The following NOTCH4 variants were observed in gnomAD, a reference collection of about 807,000 sequenced individuals.
NOTCH4 encodes notch receptor 4, also known as neurogenic locus notch homolog protein 4.
NOTCH4 carries 138 observed loss-of-function variants against 189.0 expected under a neutral mutation model. The observed-to-expected ratio is 0.73, with a 90% CI of 0.64 to 0.84. NOTCH4 has a LOEUF of 0.84. NOTCH4 is among the 40% of genes least tolerant of loss of function. The pLI is 0.00. For missense variants in NOTCH4, 2,286 were observed against 2,605.4 expected (o/e 0.88, Z 2.67); for synonymous variants, 942 against 1,032.8 (o/e 0.91, Z 1.69).
At chr6:32,219,402 A>G (rs1789607896) in intron 8 of NOTCH4, among the ~76,000 whole-genome samples, 190 bp downstream of exon 8, 2 of 152,180 alleles carry the variant, frequency 1.3e-5, no homozygotes, top group Admixed American at 6.5e-5. Context: ...TAACCTCACT[A>G]CCATCTGTGG....
chr6:32,220,611 C>T lies in NOTCH4; in HGVS notation c.953G>A (p.Cys318Tyr), dbSNP rs1386176003. 6.2e-7 allele frequency: 1 copy of T among 1,613,882 alleles called. No homozygotes were observed. The highest frequency in any genetic ancestry group is 8.5e-7 in the Non-Finnish European group (1 of 1,179,928). Residue 318 changes from cysteine (C) to tyrosine (Y), a missense_variant, in exon 6 of 30, where the codon TGT becomes TAT. By Grantham distance (194) the Cys-to-Tyr change is radical (BLOSUM62 -2). This residue lies in a region of NOTCH4 where 1,903 missense variants were observed against 2,261.9 expected (regional missense o/e 0.84). Coordinates refer to ENST00000375023, the MANE Select transcript of NOTCH4 (RefSeq NM_004557.4). ...GWDCSEDVDE[C>Y]ETQGPPHCRN... ...GCAGTGAGGGGGACCCTGGGTCTCA[C>T]ACTCATCCACATCTTCGGAGCAGTC...
rs756436357 is a variant in NOTCH4 at position 32,213,836 on chromosome 6, G to A, written c.2172C>T (p.Pro724=). 3 of 1,611,592 alleles carry A rather than the reference G, an allele frequency of 1.9e-6. No individual in the cohort carries two copies. The highest frequency in any genetic ancestry group is 2.7e-5 in the African/African-American group (2 of 74,832). The stretch of plus-strand genomic sequence containing the variant: ...AAGCTGTCATCTCCTCACTACAGGT[G>A]GGTCCTGAAGGAAACAGGTGGGGGC... ...NCTCPTGYTG[P]TCSEEMTACH... is the part of the protein sequence containing the mutation. Residue 724 remains proline, a synonymous_variant, in exon 14 of 30, where the codon CCC becomes CCT. Transcript: ENST00000375023.
At position 32,202,841 on chromosome 6, in the gene NOTCH4, A is replaced by G. The variant is rs1788440052; in HGVS notation, c.3232-242T>C. ...AAGCACAGCTGTGTGCAACAACCTGATGGACTGTGGCATTACAGTGCAAGT... is the reference window on the plus strand; with the variant it reads ...AAGCACAGCTGTGTGCAACAACCTGGTGGACTGTGGCATTACAGTGCAAGT... On this transcript the variant is annotated intron_variant, in intron 20 of 29. Coordinates refer to ENST00000375023, the MANE Select transcript of NOTCH4 (RefSeq NM_004557.4). The surrounding 1 kb of genome is among the most constrained non-coding windows in gnomAD (Gnocchi z 5.7). The G allele has an allele frequency of 2.2e-6, 1 of 454,546 alleles. No individual in the cohort carries two copies. The highest frequency in any genetic ancestry group is 6.1e-5 in the South Asian group (1 of 16,478). The allele number at this position is 454,546 out of a possible 1,614,324, so 28.2% of individuals were successfully genotyped here.
rs969361773 is a variant in NOTCH4, at chr6:32,210,884, G to T, written c.2733C>A (p.Gly911=). Reference sequence around the variant, plus strand: ...GGGGGCAGTGGCAGAAATAGGAGGGGCCGCTGTCGACACAGAGGCCTCCAT... The same window carrying T: ...GGGGGCAGTGGCAGAAATAGGAGGGTCCGCTGTCGACACAGAGGCCTCCAT... The part of the protein sequence containing the change: ...CHNGGLCVDS[G]PSYFCHCPPG... Residue 911 remains glycine, a synonymous_variant, in exon 18 of 30, where the codon GGC becomes GGA. Transcript: ENST00000375023. This position sits in a 1 kb window ranked among gnomAD's most constrained non-coding sequence, Gnocchi z 4.8. 1 of 1,612,124 alleles carries T rather than the reference G, an allele frequency of 6.2e-7. No homozygotes were observed. Among genetic ancestry groups the T allele is most frequent in the Non-Finnish European group, 8.5e-7 (1 of 1,179,492 alleles).
intron 18 of NOTCH4, among the ~76,000 whole-genome samples, chr6:32,204,934 G>A (rs1208167047): frequency 6.6e-6 from 1 of 152,210 alleles, no homozygotes; most frequent in Non-Finnish European, 1.5e-5. Context: ...AGGAAGCTGA[G>A]TCTCTGAAAG....
At chr6:32,207,637 C>T (rs2856435) in intron 18 of NOTCH4, among the ~76,000 whole-genome samples, 8 of 141,372 alleles carry the variant, frequency 5.7e-5, no homozygotes, top group Non-Finnish European at 1.1e-4. Flanking sequence ...ATCCCCCCCC[C>T]CCAAAAAAAA....
intron 13 of NOTCH4, 64 bp from the exon 14 acceptor site, chr6:32,213,904 TTTCCTC>T (rs1789200118): frequency 6.3e-7 from 1 of 1,576,240 alleles, no homozygotes; most frequent in African/African-American, 1.3e-5. Flanking sequence ...TCTCCTTCTC[TTTCCTC>T]TTCCTTCCCT....
At chr6:32,222,978 T>C in intron 2 of NOTCH4, 27 bp downstream of exon 2, 1 of 1,599,272 alleles carries the variant, frequency 6.3e-7, no homozygotes, top group Non-Finnish European at 8.6e-7. Flanking sequence ...TTCTCTCCAG[T>C]CTCCCACTCC....
chr6:32,202,452 T>C lies in NOTCH4; in HGVS notation c.3379A>G (p.Thr1127Ala), dbSNP rs1303176249. The C allele has an allele frequency of 1.2e-6, 2 of 1,611,900 alleles. No homozygotes were observed. Among genetic ancestry groups the C allele is most frequent in the Non-Finnish European group, 1.7e-6 (2 of 1,179,592 alleles). ...CCACAGCCTTTAGGAGCTGGTGGGG[T>C]CAGGCAGTCAGGACCCCCATAGCCA... ...LSGYGGPDCL[T>A]PPAPKGCGPP... The change falls in exon 21 of 30, where the codon ACC (threonine) becomes GCC (alanine). Residue 1127 changes from threonine (T) to alanine (A), a missense_variant. By Grantham distance (58) the Thr-to-Ala change is moderately conservative. Around this residue, in one of 2 missense-constraint regions of NOTCH4, gnomAD observed 1,903 missense variants for 2,261.9 expected, o/e 0.84. Coordinates refer to ENST00000375023, the MANE Select transcript of NOTCH4 (RefSeq NM_004557.4). This position sits in a 1 kb window ranked among gnomAD's most constrained non-coding sequence, Gnocchi z 5.7.
rs749820350 is a variant in NOTCH4 at position 32,202,468 on chromosome 6, C to T, written c.3363G>A (p.Gly1121=). 5 of 1,612,434 alleles carry T rather than the reference C, an allele frequency of 3.1e-6. No individual in the cohort carries two copies. The South Asian group carries it at 3.3e-5, about 11-fold the overall frequency. ...CTGGTGGGGTCAGGCAGTCAGGACCCCCATAGCCACTGAGGCAGGCACAGC... is the reference window on the plus strand; with the variant it reads ...CTGGTGGGGTCAGGCAGTCAGGACCTCCATAGCCACTGAGGCAGGCACAGC... ...PPRCACLSGY[G]GPDCLTPPAP... The change falls in exon 21 of 30, where the codon GGG becomes GGA. Residue 1121 remains glycine (G), a synonymous_variant. Coordinates refer to ENST00000375023, the MANE Select transcript of NOTCH4 (RefSeq NM_004557.4). The surrounding 1 kb of genome is among the most constrained non-coding windows in gnomAD (Gnocchi z 5.7).
At chr6:32,203,437 C>T in intron 20 of NOTCH4, 1 of 307,634 alleles carries the variant, frequency 3.3e-6, no homozygotes, top group Non-Finnish European at 5.9e-6. Flanking sequence ...AGTCTAATTC[C>T]ATGCATCTGA....
intron 18 of NOTCH4, among the ~76,000 whole-genome samples, chr6:32,205,472 C>G (rs748403905): frequency 5.4e-4 from 69 of 127,592 alleles, no homozygotes; most frequent in African/African-American, 9.6e-4. Context: ...CGCTTGAACC[C>G]GGGAGGCGGA....
chr6:32,195,633 C>G lies in NOTCH4; in HGVS notation c.5816G>C (p.Gly1939Ala). The G allele has an allele frequency of 3.1e-6, 5 of 1,612,980 alleles. No homozygotes were observed. Among genetic ancestry groups the G allele is most frequent in the Non-Finnish European group, 4.2e-6 (5 of 1,179,954 alleles). The change falls in exon 30 of 30, where the codon GGG becomes GCG. Residue 1939 changes from glycine (G) to alanine (A), a missense_variant. Around this residue, in one of 2 missense-constraint regions of NOTCH4, gnomAD observed 383 missense variants for 343.5 expected, o/e 1.11. Coordinates refer to ENST00000375023, the MANE Select transcript of NOTCH4 (RefSeq NM_004557.4). This position sits in a 1 kb window ranked among gnomAD's most constrained non-coding sequence, Gnocchi z 5.4. ...IMRGRYGVAAGRGGRVSTDDW... is the reference protein window; with the variant it reads ...IMRGRYGVAAARGGRVSTDDW... ...ATCCGTTGAGACCCTGCCTCCGCGC[C>G]CGGCAGCCACTCCGTATCTTCCTCG...
chr6:32,202,153 G>T lies in NOTCH4; in HGVS notation c.3678C>A (p.Asp1226Glu). The stretch of plus-strand genomic sequence containing the variant: ...AGTCACACTGTGGGTGGCACTGCCC[G>T]TCCCGGAAGAGAAGCCAGCACCGAG... ...SHSRCWLLFRDGQCHPQCDSE... is the reference protein window; with the variant it reads ...SHSRCWLLFREGQCHPQCDSE... Residue 1226 changes from aspartate to glutamate, a missense_variant, in exon 21 of 30, where the codon GAC becomes GAA. By Grantham distance (45) the Asp-to-Glu change is conservative. Transcript: ENST00000375023. This position sits in a 1 kb window ranked among gnomAD's most constrained non-coding sequence, Gnocchi z 5.7. 1 of 1,517,648 alleles carries T rather than the reference G, an allele frequency of 6.6e-7. No homozygotes were observed. Among genetic ancestry groups the T allele is most frequent in the Middle Eastern group, 1.8e-4 (1 of 5,582 alleles). The allele number at this position is 1,517,648 out of a possible 1,614,324, so 94.0% of individuals were successfully genotyped here.
chr6:32,219,689 A>G lies in NOTCH4; in HGVS notation c.1413T>C (p.Arg471=), dbSNP rs2127485837. Residue 471 remains arginine, a synonymous_variant, in exon 8 of 30, where the codon CGT becomes CGC. Coordinates refer to ENST00000375023, the MANE Select transcript of NOTCH4 (RefSeq NM_004557.4). ...CLCPPGYTGS[R]CEADHNECLS... The stretch of plus-strand genomic sequence containing the variant: ...GGCACTCATTGTGATCAGCCTCACA[A>G]CGGGAGCCTGTGTAGCCAGGTGGAC... 5.0e-6 allele frequency: 8 copies of G among 1,613,084 alleles called. No individual in the cohort carries two copies. The highest frequency in any genetic ancestry group is 6.8e-6 in the Non-Finnish European group (8 of 1,179,990).
In NOTCH4 at chr6:32,221,571, G is replaced by A. The variant is rs1016387440; in HGVS notation, c.452-246C>T. Among the ~76,000 whole-genome samples, 1 of 152,168 alleles carries A rather than the reference G, an allele frequency of 6.6e-6. No individual in the cohort carries two copies. Among genetic ancestry groups the A allele is most frequent in the African/African-American group, 2.4e-5 (1 of 41,434 alleles). ...AGAGTATTGCAAATTGGCCTTGCCTGAGAAAATCTGGGACGTGGGTGATCT... is the reference window on the plus strand; with the variant it reads ...AGAGTATTGCAAATTGGCCTTGCCTAAGAAAATCTGGGACGTGGGTGATCT... On this transcript the variant is annotated intron_variant, in intron 3 of 29. Transcript: ENST00000375023. This position sits in a 1 kb window ranked among gnomAD's most constrained non-coding sequence, Gnocchi z 4.3.
chr6:32,212,664 A>G lies in NOTCH4; in HGVS notation c.2527-37T>C, dbSNP rs562111292. On this transcript the variant is annotated intron_variant, in intron 16 of 29. Coordinates refer to ENST00000375023, the MANE Select transcript of NOTCH4 (RefSeq NM_004557.4). The surrounding 1 kb of genome is among the most constrained non-coding windows in gnomAD (Gnocchi z 4.4). ...GAGGGAGCGTGAGGCAGGACATAGCATCAGATTCTCAGCCCAGAGATGGTC... is the reference window on the plus strand; with the variant it reads ...GAGGGAGCGTGAGGCAGGACATAGCGTCAGATTCTCAGCCCAGAGATGGTC... 1.5e-5 allele frequency: 23 copies of G among 1,585,868 alleles called. 2 individuals carry two copies. Among genetic ancestry groups the G allele is most frequent in the East Asian group, 4.5e-5 (2 of 44,688 alleles).
In NOTCH4 at chr6:32,199,117, A is replaced by AG; in HGVS notation, c.4343dup (p.Val1449CysfsTer73). On this transcript the variant is annotated frameshift_variant, in exon 24 of 30. Transcript: ENST00000375023. LOFTEE classifies it high-confidence loss of function. The surrounding 1 kb of genome is among the most constrained non-coding windows in gnomAD (Gnocchi z 4.9). ...CCCCGGCCACTGGGGAGCACAGCAC[A>AG]GGCCAGGGAAGCTGGTTGGCAGGGG... 1.2e-6 allele frequency: 2 copies of AG among 1,605,238 alleles called. No individual in the cohort carries two copies. Among genetic ancestry groups the AG allele is most frequent in the Non-Finnish European group, 1.7e-6 (2 of 1,176,698 alleles).
In NOTCH4 at chr6:32,201,366, A is replaced by G. The variant is rs753421182; in HGVS notation, c.3890T>C (p.Leu1297Pro). The change falls in exon 22 of 30, where the codon CTG becomes CCG. Residue 1297 changes from leucine to proline, a missense_variant. Physicochemically the swap from Leu to Pro is moderately conservative, Grantham distance 98. Transcript: ENST00000375023. The surrounding 1 kb of genome is among the most constrained non-coding windows in gnomAD (Gnocchi z 5.5). The stretch of plus-strand genomic sequence containing the variant: ...GGGGCTCAGTACCACCAGCAGGGCC[A>G]GGGAGGGCCCCCACTCTGGGTCCCC... ...EDGDPEWGPSLALLVVLSPPA... is the reference protein window; with the variant it reads ...EDGDPEWGPSPALLVVLSPPA... 10 of 1,599,596 alleles carry G rather than the reference A, an allele frequency of 6.3e-6. 1 individual carries two copies. The South Asian group carries it at 1.0e-4, about 16-fold the overall frequency.
Sources: allele counts gnomAD v4.1 joint callset (sites outside exome capture counted in the v4.1 genomes callset), GRCh38; gene constraint gnomAD v4.1.1; regional missense constraint gnomAD v4.1.1; non-coding constraint Gnocchi (gnomAD v3.1); transcripts MANE v1.5; gene names NCBI Gene and HGNC (gene_info 2026-07-23, HGNC 2026-07-21).